Variants in TRDN observed in about 807,000 individuals in gnomAD.
TRDN encodes the protein triadin in skeletal muscle.
TRDN carries 161 observed loss-of-function variants against 149.7 expected under a neutral mutation model. The ratio of observed to expected loss-of-function variants is 1.08; its 90% confidence interval spans 0.95 to 1.23. The LOEUF (loss-of-function observed/expected upper bound fraction) is 1.23, where lower values mean the gene tolerates loss of function less well. TRDN is among the 50% of genes most tolerant of loss of function. The pLI is 0.00. For synonymous variants in TRDN, 294 were observed against 250.5 expected (o/e 1.17, Z -1.64); for missense variants, 896 against 823.5 (o/e 1.09, Z -1.08).
intron 9 of TRDN, among the ~76,000 whole-genome samples, chr6:123,474,241 G>A (rs1259502882): frequency 1.3e-5 from 2 of 152,038 alleles, no homozygotes; most frequent in African/African-American, 4.8e-5. Context: ...TAAAAGGATG[G>A]AGGAAGATCT....
At chr6:123,269,778 A>T in intron 31 of TRDN, 71 bp downstream of exon 31, 2 of 1,514,456 alleles carry the variant, frequency 1.3e-6, no homozygotes, top group Non-Finnish European at 1.8e-6. Flanking sequence ...TTCTTAAAAA[A>T]ACTAAGCAAA....
At chr6:123,409,393 C>A (rs1410869139) in intron 12 of TRDN, among the ~76,000 whole-genome samples, 4 of 152,148 alleles carry the variant, frequency 2.6e-5, no homozygotes, top group Non-Finnish European at 5.9e-5. Flanking sequence ...AGAAAGGTCA[C>A]GCTTTGAATC....
chr6:123,601,728 A>C (rs1424239182), intron 1 of TRDN, among the ~76,000 whole-genome samples: 1 of 152,070 alleles, frequency 6.6e-6, no homozygotes, highest in African/African-American at 2.4e-5. Flanking sequence ...GAACTGGGGA[A>C]CTCTAAGCTG....
intron 24 of TRDN, among the ~76,000 whole-genome samples, chr6:123,295,703 C>A (rs964437331): frequency 6.6e-6 from 1 of 152,012 alleles, no homozygotes; most frequent in South Asian, 2.1e-4. Context: ...GTAGCTCATG[C>A]CTGTAATCCC....
chr6:123,377,874 A>T lies in TRDN; in HGVS notation c.1211T>A (p.Val404Glu). The T allele has an allele frequency of 6.5e-7, 1 of 1,540,430 alleles. No individual in the cohort carries two copies. The highest frequency in any genetic ancestry group is 8.9e-7 in the Non-Finnish European group (1 of 1,129,246). The change falls in exon 17 of 41, where the codon GTG becomes GAG. Residue 404 changes from valine to glutamate, a missense_variant. By Grantham distance (121) the Val-to-Glu change is moderately radical. Transcript: ENST00000334268. ...AATTTAAAAACAGTTACCTGGTTCCACATGTTTTTCTTTCTTTTCCTGTTC... is the reference window on the plus strand; with the variant it reads ...AATTTAAAAACAGTTACCTGGTTCCTCATGTTTTTCTTTCTTTTCCTGTTC... ...GKKQEKKEKH[V>E]EPAKSPKKEH...
intron 20 of TRDN, among the ~76,000 whole-genome samples, chr6:123,356,495 CAAG>C (rs1483031951): frequency 4.0e-5 from 5 of 124,276 alleles, no homozygotes; most frequent in African/African-American, 1.2e-4. Flanking sequence ...TCTAGGTTTA[CAAG>C]AAGTTTATAT....
intron 1 of TRDN, among the ~76,000 whole-genome samples, chr6:123,628,432 A>G (rs921376508): frequency 6.6e-6 from 1 of 152,134 alleles, no homozygotes; most frequent in African/African-American, 2.4e-5. Flanking sequence ...GTGGTGACCT[A>G]AAACAATTAC....
At chr6:123,385,289 G>A (rs146057354) in intron 14 of TRDN, among the ~76,000 whole-genome samples, 1 of 152,022 alleles carries the variant, frequency 6.6e-6, no homozygotes, top group Non-Finnish European at 1.5e-5. Context: ...TTAGCCGGGT[G>A]TGGTAGCAGC....
chr6:123,573,132 T>C (rs1386219858), intron 1 of TRDN, among the ~76,000 whole-genome samples: 1 of 152,060 alleles, frequency 6.6e-6, no homozygotes, highest in Admixed American at 6.6e-5. Context: ...TTGGGCTTCA[T>C]AGATAAGAGA....
At chr6:123,497,297 C>T (rs1270727943) in intron 8 of TRDN, 45 bp from the exon 9 acceptor site, 2 of 1,317,976 alleles carry the variant, frequency 1.5e-6, no homozygotes, top group Non-Finnish European at 2.0e-6. Flanking sequence ...ATGTCATCAA[C>T]ACTTCATTTT....
chr6:123,566,806 T>C (rs1431438621), intron 2 of TRDN, among the ~76,000 whole-genome samples: 2 of 152,216 alleles, frequency 1.3e-5, no homozygotes, highest in African/African-American at 4.8e-5. Context: ...GAAACTGTTA[T>C]TGAAGCCATA....
chr6:123,611,256 G>A (rs1387409378), intron 1 of TRDN, among the ~76,000 whole-genome samples: 2 of 152,050 alleles, frequency 1.3e-5, no homozygotes, highest in African/African-American at 4.8e-5. Context: ...AAATGCAAAT[G>A]CGAATACTTT....
intron 10 of TRDN, among the ~76,000 whole-genome samples, chr6:123,456,405 T>G (rs1043502402): frequency 3.3e-5 from 5 of 152,208 alleles, no homozygotes; most frequent in Non-Finnish European, 5.9e-5. Flanking sequence ...CTTCTTAATA[T>G]AAGTTTTATT....
At chr6:123,358,251 A>T (rs973869006) in intron 20 of TRDN, among the ~76,000 whole-genome samples, 1 of 152,234 alleles carries the variant, frequency 6.6e-6, no homozygotes, top group African/African-American at 2.4e-5. Context: ...GAGACAAAGC[A>T]GCTAACACAC....
chr6:123,534,652 A>G (rs1780430144), intron 4 of TRDN, among the ~76,000 whole-genome samples: 1 of 152,190 alleles, frequency 6.6e-6, no homozygotes, highest in African/African-American at 2.4e-5. Context: ...TGCAAAATCA[A>G]ATTTAAAAGA....
chr6:123,590,677 G>A (rs1314547462), intron 1 of TRDN, among the ~76,000 whole-genome samples: 1 of 152,124 alleles, frequency 6.6e-6, no homozygotes, highest in Non-Finnish European at 1.5e-5. Context: ...CAGGAGAATT[G>A]CTTGAACTCT....
At chr6:123,235,702 T>C (rs1775760338) in intron 38 of TRDN, among the ~76,000 whole-genome samples, 1 of 152,156 alleles carries the variant, frequency 6.6e-6, no homozygotes. Flanking sequence ...AATACCTTTG[T>C]TCTCCTCCTT....
At chr6:123,614,679 G>T (rs1289301687) in intron 1 of TRDN, among the ~76,000 whole-genome samples, 3 of 151,702 alleles carry the variant, frequency 2.0e-5, no homozygotes, top group Admixed American at 1.3e-4. Context: ...TAAATGTAAG[G>T]CCTGAAACCA....
chr6:123,440,163 A>T (rs1004740528), intron 10 of TRDN, among the ~76,000 whole-genome samples: 4 of 152,318 alleles, frequency 2.6e-5, no homozygotes, highest in African/African-American at 9.6e-5. Flanking sequence ...CAAAGACAAC[A>T]CTTTCTTTCA....
Sources: gnomAD v4.1 joint callset for allele counts (sites outside exome capture counted in the v4.1 genomes callset) on GRCh38, gnomAD v4.1.1 for gene constraint, MANE v1.5 for transcripts, NCBI Gene and HGNC (gene_info 2026-07-23, HGNC 2026-07-21) for gene names.